The following SMG5 variants were observed in gnomAD, a reference collection of about 807,000 sequenced individuals.
The protein encoded by SMG5 is SMG5 nonsense mediated mRNA decay factor.
Under a neutral mutation model 122.9 loss-of-function variants are expected in SMG5, and 53 were observed. The observed-to-expected ratio is 0.43, with a 90% CI of 0.35 to 0.54. The LOEUF is 0.54. Among genes scored for constraint, SMG5 ranks in the 20% least tolerant of loss-of-function variants. The probability of loss-of-function intolerance (pLI) is 0.01; values close to 1 mark genes in which losing one functional copy is unlikely to be tolerated. For synonymous variants in SMG5, 477 were observed against 490.2 expected (o/e 0.97, Z 0.35); for missense variants, 1,153 against 1,285.6 (o/e 0.90, Z 1.58).
At chr1:156,268,073 G>A in intron 9 of SMG5, 42 bp downstream of exon 9, 1 of 1,598,110 alleles carries the variant, frequency 6.3e-7, no homozygotes, top group Non-Finnish European at 8.6e-7. Flanking sequence ...ATCATGGCTG[G>A]GGCTCACAGG....
intron 16 of SMG5, among the ~76,000 whole-genome samples, chr1:156,258,197 T>C (rs889774608): frequency 2.0e-5 from 3 of 152,230 alleles, no homozygotes; most frequent in Non-Finnish European, 2.9e-5. Context: ...TGGCCCCTTA[T>C]ATCAGGAGCC....
chr1:156,286,224 T>G (rs1360069914), upstream of SMG5: 1 of 1,606,080 alleles, frequency 6.2e-7, no homozygotes, highest in Middle Eastern at 1.8e-4. Context: ...TTCCCCTGCC[T>G]TTTCTGACCC....
Position 156,266,096 on chromosome 1 carries a change from A to G in SMG5, c.1540T>C (p.Ser514Pro). 1 of 1,613,928 alleles carries G rather than the reference A, an allele frequency of 6.2e-7. No homozygotes were observed. Among genetic ancestry groups the G allele is most frequent in the Non-Finnish European group, 8.5e-7 (1 of 1,179,978 alleles). The part of the protein sequence containing the change: ...GGTAFDAETD[S>P]EMNSQESRSD... ...CGGGACTCCTGGCTATTCATTTCCG[A>G]GTCTGTTTCAGCATCAAAGGCCGTT... is the stretch of plus-strand genomic sequence containing the variant. Residue 514 changes from serine to proline, a missense_variant, in exon 12 of 22, where the codon TCG becomes CCG. Transcript: ENST00000361813.
upstream of SMG5, chr1:156,283,018 G>A (rs1368052213): frequency 2.0e-6 from 1 of 503,292 alleles, no homozygotes; most frequent in East Asian, 3.2e-5. Flanking sequence ...ATCAGAGAAC[G>A]GACAGTGTAC....
chr1:156,261,476 A>C, intron 13 of SMG5, 68 bp from the exon 14 acceptor site: 1 of 1,308,120 alleles, frequency 7.6e-7, no homozygotes, highest in South Asian at 1.2e-5. Flanking sequence ...GTGAGCAAGG[A>C]AAGCACCACC....
chr1:156,267,572 C>G lies in SMG5; in HGVS notation c.1015G>C (p.Asp339His). Residue 339 changes from aspartate to histidine, a missense_variant, in exon 10 of 22, where the codon GAT becomes CAT. Transcript: ENST00000361813. Reference sequence around the variant, plus strand: ...TATCCACTCTCATACTCCTCCTCATCCTCACTGGCCAGGCTGAGGTTGGGT... The same window carrying G: ...TATCCACTCTCATACTCCTCCTCATGCTCACTGGCCAGGCTGAGGTTGGGT... Reference protein sequence around the residue: ...SSPNLSLASEDEEEYESGYAF... With the variant: ...SSPNLSLASEHEEEYESGYAF... 1 of 1,614,068 alleles carries G rather than the reference C, an allele frequency of 6.2e-7. No homozygotes were observed. Among genetic ancestry groups the G allele is most frequent in the Non-Finnish European group, 8.5e-7 (1 of 1,179,994 alleles).
intron 1 of SMG5, among the ~76,000 whole-genome samples, chr1:156,280,634 G>A (rs1662893739): frequency 6.6e-6 from 1 of 152,208 alleles, no homozygotes; most frequent in Non-Finnish European, 1.5e-5. Flanking sequence ...GCTAATGGGA[G>A]TGTATATTTT....
At chr1:156,273,718 CTTTTTTTTTTT>C (rs748042052) in intron 5 of SMG5, among the ~76,000 whole-genome samples, 1 of 116,344 alleles carries the variant, frequency 8.6e-6, no homozygotes, top group Non-Finnish European at 1.7e-5. Flanking sequence ...GTTTTGTTTT[CTTTTTTTTTTT>C]TTTTTTTTTT....
intron 2 of SMG5, among the ~76,000 whole-genome samples, chr1:156,278,451 C>T (rs1662787439): frequency 6.7e-6 from 1 of 150,196 alleles, no homozygotes; most frequent in African/African-American, 2.5e-5. Context: ...TAAACTTGAA[C>T]CTCTGGGCTC....
chr1:156,271,010 A>G (rs1056183154), intron 7 of SMG5, among the ~76,000 whole-genome samples: 2 of 151,630 alleles, frequency 1.3e-5, no homozygotes, highest in African/African-American at 4.8e-5. Flanking sequence ...TCCATCTCAA[A>G]AAAAAAAAAA....
upstream of SMG5, chr1:156,285,104 G>A: frequency 7.8e-7 from 1 of 1,285,772 alleles, no homozygotes; most frequent in Admixed American, 3.0e-5. Context: ...CAGTTGCCCT[G>A]GAGAGTATGA....
intron 5 of SMG5, among the ~76,000 whole-genome samples, chr1:156,273,718 C>CTTTTTTTTTTTTTTTT: frequency 8.6e-6 from 1 of 116,344 alleles, no homozygotes. Context: ...GTTTTGTTTT[C>CTTTTTTTTTTTTTTTT]TTTTTTTTTT....
intron 16 of SMG5, chr1:156,253,731 A>G: frequency 1.7e-6 from 1 of 575,412 alleles, no homozygotes; most frequent in Non-Finnish European, 3.2e-6. Flanking sequence ...ATGATGTTCC[A>G]GGCCCTGCAG....
chr1:156,267,162 T>C (rs1662188209), intron 10 of SMG5, among the ~76,000 whole-genome samples: 1 of 152,216 alleles, frequency 6.6e-6, no homozygotes, highest in African/African-American at 2.4e-5. Flanking sequence ...ACAGAAGGTC[T>C]GAAATTCTGT....
intron 16 of SMG5, among the ~76,000 whole-genome samples, chr1:156,258,050 A>G (rs1572576105): frequency 6.6e-6 from 1 of 152,236 alleles, no homozygotes; most frequent in Admixed American, 6.5e-5. Context: ...GAATACTGTC[A>G]TGTCTGGCAC....
upstream of SMG5, chr1:156,285,196 T>G: frequency 6.6e-7 from 1 of 1,517,290 alleles, no homozygotes; most frequent in South Asian, 1.3e-5. Flanking sequence ...TGACATGACC[T>G]TGTGGTAGAT....
chr1:156,273,196 G>C (rs1662512084), intron 6 of SMG5, among the ~76,000 whole-genome samples, 165 bp downstream of exon 6: 1 of 152,138 alleles, frequency 6.6e-6, no homozygotes, highest in African/African-American at 2.4e-5. Context: ...ACCATTTTCT[G>C]AGTGTGTTAC....
At chr1:156,285,140 A>G (rs766010783), upstream of SMG5, 35 of 1,471,514 alleles carry the variant, frequency 2.4e-5, no homozygotes, top group Middle Eastern at 2.0e-3. Flanking sequence ...CCTAATAACT[A>G]GAAGACAGGG....
At chr1:156,284,533 G>C (rs1340837554), upstream of SMG5, 6 of 152,572 alleles carry the variant, frequency 3.9e-5, no homozygotes. Context: ...AGGAGAGAAG[G>C]CATAGAAAAC....
Sources: gnomAD v4.1 joint callset for allele counts (sites outside exome capture counted in the v4.1 genomes callset) on GRCh38, gnomAD v4.1.1 for gene constraint, MANE v1.5 for transcripts, NCBI Gene and HGNC (gene_info 2026-07-23, HGNC 2026-07-21) for gene names.